Variants in HNF1B observed in about 807,000 individuals in gnomAD.
HNF1B encodes the protein hepatocyte nuclear factor 1-beta.
HNF1B carries 8 observed loss-of-function variants against 61.7 expected under a neutral mutation model. The ratio of observed to expected loss-of-function variants is 0.13; its 90% CI spans 0.08 to 0.23. HNF1B has a LOEUF of 0.23. HNF1B is among the 10% of genes least tolerant of loss of function. The pLI is 1.00. For synonymous variants in HNF1B, 314 were observed against 287.7 expected (o/e 1.09, Z -0.93); for missense variants, 562 against 714.5 (o/e 0.79, Z 2.43).
chr17:37,695,034 T>C lies in HNF1B; in HGVS notation c.1653+4042A>G, dbSNP rs73295589. Among the ~76,000 whole-genome samples the C allele has an allele frequency of 6.3e-3, 966 of 152,336 alleles. 8 individuals are homozygous for C. The highest frequency in any genetic ancestry group is 0.022 in the African/African-American group (922 of 41,566). ...CTTGACTAAAGAGGGCTGCATGCTATAGCCAAGACAATGGAAAAAAGGCAC... is the reference window on the plus strand; with the variant it reads ...CTTGACTAAAGAGGGCTGCATGCTACAGCCAAGACAATGGAAAAAAGGCAC... On this transcript the variant is annotated intron_variant, in intron 8 of 8. Coordinates refer to ENST00000617811, the MANE Select transcript of HNF1B (RefSeq NM_000458.4).
intron 1 of HNF1B, among the ~76,000 whole-genome samples, chr17:37,741,537 CAT>C (rs2033991502): frequency 1.3e-5 from 2 of 152,180 alleles, no homozygotes; most frequent in African/African-American, 4.8e-5. Context: ...ACGTTTTAGA[CAT>C]ATCCTTGTAA....
chr17:37,705,006 G>A lies in HNF1B; in HGVS notation c.1250C>T (p.Thr417Met). 3.7e-6 allele frequency: 6 copies of A among 1,613,954 alleles called. No individual in the cohort carries two copies. The highest frequency in any genetic ancestry group is 4.2e-6 in the Non-Finnish European group (5 of 1,179,898). The stretch of plus-strand genomic sequence containing the variant: ...ATGGTGGGAGAGGCTGTGGATATTC[G>A]TCAAGGTGCTGACTGGGGGCAAACC... ...GGGLPPVSTLTNIHSLSHHNP... is the reference protein window; with the variant it reads ...GGGLPPVSTLMNIHSLSHHNP... The change falls in exon 6 of 9, where the codon ACG (threonine) becomes ATG (methionine). Residue 417 changes from threonine to methionine, a missense_variant. By Grantham distance (81) the Thr-to-Met change is moderately conservative (BLOSUM62 -1). Coordinates refer to ENST00000617811, the MANE Select transcript of HNF1B (RefSeq NM_000458.4).
rs369134247 is a variant in HNF1B, at chr17:37,744,585, G to C, written c.300C>G (p.Thr100=). ...CCGCCCGCTGCTCCGCCGCCTCCTCGGTGTTGAGCGCCTGCAGCTCCTTGA... is the reference window on the plus strand; with the variant it reads ...CCGCCCGCTGCTCCGCCGCCTCCTCCGTGTTGAGCGCCTGCAGCTCCTTGA... ...PILKELQALN[T]EEAAEQRAEV... is the part of the protein sequence containing the mutation. Residue 100 remains threonine, a synonymous_variant, in exon 1 of 9, where the codon ACC becomes ACG. Coordinates refer to ENST00000617811, the MANE Select transcript of HNF1B (RefSeq NM_000458.4). 41 of 1,607,268 alleles carry C rather than the reference G, an allele frequency of 2.6e-5. No homozygotes were observed. Among genetic ancestry groups the C allele is most frequent in the African/African-American group, 4.0e-5 (3 of 74,950 alleles).
chr17:37,744,453 C>A (rs1239015769), intron 1 of HNF1B, 88 bp downstream of exon 1: 1 of 1,356,334 alleles, frequency 7.4e-7, no homozygotes, highest in Admixed American at 1.7e-5. Context: ...ACGGGCTTGG[C>A]GAGTGTGGTC....
Position 37,710,758 on chromosome 17 carries a change from G to A in HNF1B, c.1046-95C>T. The A allele has an allele frequency of 2.3e-6, 3 of 1,310,932 alleles. No individual in the cohort carries two copies. The South Asian group carries it at 3.8e-5, about 16-fold the overall frequency. The allele number at this position is 1,310,932 out of a possible 1,614,324, so 81.2% of individuals were successfully genotyped here. A position where few individuals can be genotyped will look rare whatever the true frequency, so the allele number is the denominator to read the frequency against. Reference sequence around the variant, plus strand: ...TCTTGTTTTCAAGGGTGGGTAATAAGAAAATAAAGTTGCTTTCTCCTCCCC... The same window carrying A: ...TCTTGTTTTCAAGGGTGGGTAATAAAAAAATAAAGTTGCTTTCTCCTCCCC... On this transcript the variant is annotated intron_variant, in intron 4 of 8. Transcript: ENST00000617811.
At chr17:37,743,671 T>C (rs2034072095) in intron 1 of HNF1B, among the ~76,000 whole-genome samples, 1 of 152,096 alleles carries the variant, frequency 6.6e-6, no homozygotes, top group Non-Finnish European at 1.5e-5. Context: ...GCTCCTTAGA[T>C]AATTAGTAAC....
chr17:37,689,814 C>T (rs1003158814), intron 8 of HNF1B, among the ~76,000 whole-genome samples: 6 of 152,202 alleles, frequency 3.9e-5, no homozygotes, highest in Non-Finnish European at 8.8e-5. Flanking sequence ...ATCACTGCCT[C>T]GAGTTCTTAC....
Position 37,686,635 on chromosome 17 carries a change from T to A in HNF1B, c.*737A>T, listed in dbSNP as rs1051109550. The stretch of plus-strand genomic sequence containing the variant: ...GAGGTGTGTCTTAATGTCAGGAGAC[T>A]GGAGTTAGCTGGTAGTCAGTCCAAG... On this transcript the variant is annotated 3_prime_UTR_variant, in exon 9 of 9. Coordinates refer to ENST00000617811, the MANE Select transcript of HNF1B (RefSeq NM_000458.4). 1.9e-5 allele frequency: 3 copies of A among 157,346 alleles called. No homozygotes were observed. The highest frequency in any genetic ancestry group is 7.2e-5 in the African/African-American group (3 of 41,394). 9.7% of individuals were successfully genotyped at this position (157,346 alleles called of 1,614,324 possible).
intron 3 of HNF1B, among the ~76,000 whole-genome samples, chr17:37,732,312 G>A (rs917636175): frequency 6.6e-6 from 1 of 152,168 alleles, no homozygotes; most frequent in Non-Finnish European, 1.5e-5. Flanking sequence ...CCTCCAAAAG[G>A]CAGGCTGGGT....
Position 37,744,926 on chromosome 17 carries a change from G to GGGGGGGGGT in HNF1B, c.-43_-42insACCCCCCCC. 2.6e-6 allele frequency: 3 copies of GGGGGGGGGT among 1,141,548 alleles called. No homozygotes were observed. Among genetic ancestry groups the GGGGGGGGGT allele is most frequent in the Admixed American group, 1.8e-5 (1 of 55,620 alleles). The allele number at this position is 1,141,548 out of a possible 1,614,324, so 70.7% of individuals were successfully genotyped here. A position where few individuals can be genotyped will look rare whatever the true frequency, so the allele number is the denominator to read the frequency against. On this transcript the variant is annotated 5_prime_UTR_variant, in exon 1 of 9. Transcript: ENST00000617811. ...AAGAAGGGGGTGAGGGGGTGGGTGG[G>GGGGGGGGGT]TGCGAGAGAGGAGGGTGGAGGGGAG...
At position 37,720,845 on chromosome 17, in the gene HNF1B, G is replaced by A. The variant is rs2033289448; in HGVS notation, c.1046-10182C>T. 5 of 985,316 alleles carry A rather than the reference G, an allele frequency of 5.1e-6. No individual in the cohort carries two copies. The South Asian group carries it at 2.4e-4, about 46-fold the overall frequency. The allele number at this position is 985,316 out of a possible 1,614,324, so 61.0% of individuals were successfully genotyped here. A position where few individuals can be genotyped will look rare whatever the true frequency, so the allele number is the denominator to read the frequency against. ...CCTTCTTCTTCACGGTGAGATTGAA[G>A]TTTACAGGTAGGGATGCAAACCCTC... On this transcript the variant is annotated intron_variant, in intron 4 of 8. Coordinates refer to ENST00000617811, the MANE Select transcript of HNF1B (RefSeq NM_000458.4).
chr17:37,733,508 G>A (rs1158576070), intron 3 of HNF1B, 49 bp downstream of exon 3: 1 of 1,610,284 alleles, frequency 6.2e-7, no homozygotes. Flanking sequence ...GAGGGTTCCT[G>A]GGTCTGTGTA....
intron 4 of HNF1B, among the ~76,000 whole-genome samples, chr17:37,715,543 GAATACTAAC>G (rs2033079404): frequency 6.6e-6 from 1 of 152,184 alleles, no homozygotes; most frequent in Admixed American, 6.5e-5. Flanking sequence ...CCACATAGGA[GAATACTAAC>G]AATGCTCCTG....
At chr17:37,700,754 T>C (rs756055460) in intron 7 of HNF1B, among the ~76,000 whole-genome samples, 27 of 152,220 alleles carry the variant, frequency 1.8e-4, no homozygotes, top group Non-Finnish European at 2.4e-4. Context: ...AGGCCTACAC[T>C]GTCCTCTTCA....
intron 8 of HNF1B, among the ~76,000 whole-genome samples, chr17:37,697,411 A>C (rs937887786): frequency 6.6e-6 from 1 of 152,166 alleles, no homozygotes; most frequent in Non-Finnish European, 1.5e-5. Flanking sequence ...TCCAATGGAG[A>C]GGAGAAGCCA....
intron 8 of HNF1B, 147 bp from the exon 9 acceptor site, chr17:37,687,539 T>C (rs1434369343): frequency 8.4e-6 from 6 of 717,202 alleles, no homozygotes; most frequent in African/African-American, 6.9e-5. Context: ...TCTGCTCAGT[T>C]CTGCAGTTTT....
chr17:37,722,428 G>A (rs1264262395), intron 4 of HNF1B, among the ~76,000 whole-genome samples: 1 of 152,182 alleles, frequency 6.6e-6, no homozygotes, highest in East Asian at 1.9e-4. Context: ...CACACTGCCG[G>A]ATAGTGACAG....
chr17:37,741,281 G>C (rs188413175), intron 1 of HNF1B, among the ~76,000 whole-genome samples: 60 of 152,214 alleles, frequency 3.9e-4, no homozygotes, highest in African/African-American at 1.3e-3. Context: ...TAAGCATTTG[G>C]GTAGTTGTGA....
chr17:37,691,769 A>C (rs555547636), intron 8 of HNF1B, among the ~76,000 whole-genome samples: 13 of 152,136 alleles, frequency 8.5e-5, no homozygotes, highest in African/African-American at 2.9e-4. Flanking sequence ...GATCTGCCTA[A>C]CTCCCAGGTC....
Sources: allele counts gnomAD v4.1 joint callset (sites outside exome capture counted in the v4.1 genomes callset), GRCh38; gene constraint gnomAD v4.1.1; transcripts MANE v1.5; gene names NCBI Gene and HGNC (gene_info 2026-07-23, HGNC 2026-07-21).